CTNNA2: variants seen among roughly 807,000 people sequenced by gnomAD.
CTNNA2 encodes catenin alpha-2.
In CTNNA2, 42 loss-of-function variants were observed where a neutral mutation model predicts 101.0. That is an observed-to-expected ratio of 0.42 (90% confidence interval 0.32 to 0.54). The LOEUF (loss-of-function observed/expected upper bound fraction) is 0.54, where lower values mean the gene tolerates loss of function less well. Ranked by LOEUF, CTNNA2 falls within the 20% of genes least tolerant of loss-of-function variation. The pLI, the probability that CTNNA2 is intolerant of heterozygous loss-of-function variation, is 0.14. For missense variants in CTNNA2, 871 were observed against 1,223.1 expected (o/e 0.71, Z 4.29); for synonymous variants, 450 against 456.4 (o/e 0.99, Z 0.18).
intron 7 of CTNNA2, among the ~76,000 whole-genome samples, chr2:80,258,231 A>G (rs1672325430): frequency 6.6e-6 from 1 of 152,202 alleles, no homozygotes; most frequent in East Asian, 1.9e-4. Flanking sequence ...GCAGAATGAC[A>G]GTCAATTCTT....
At chr2:79,636,286 A>G (rs59462827) in intron 1 of CTNNA2, among the ~76,000 whole-genome samples, 30 of 123,814 alleles carry the variant, frequency 2.4e-4, no homozygotes, top group Middle Eastern at 3.9e-3. Context: ...AAAAAAAAAA[A>G]AAAAAAAAAA....
chr2:79,668,707 T>C (rs891937572), intron 2 of CTNNA2, among the ~76,000 whole-genome samples: 1 of 152,212 alleles, frequency 6.6e-6, no homozygotes, highest in Non-Finnish European at 1.5e-5. Flanking sequence ...AATAACACAG[T>C]GTCACCAAGT....
At chr2:80,239,001 G>T (rs1488333618) in intron 7 of CTNNA2, among the ~76,000 whole-genome samples, 1 of 152,186 alleles carries the variant, frequency 6.6e-6, no homozygotes, top group Non-Finnish European at 1.5e-5. Context: ...ATATTTCAGA[G>T]CAGGGGAAGA....
intron 1 of CTNNA2, among the ~76,000 whole-genome samples, chr2:79,594,497 G>A (rs1042954573): frequency 6.6e-6 from 1 of 152,168 alleles, no homozygotes; most frequent in Non-Finnish European, 1.5e-5. Context: ...CTTAAAAACA[G>A]TTAGAATAGC....
chr2:80,444,056 G>C (rs1682850271), intron 9 of CTNNA2, among the ~76,000 whole-genome samples: 1 of 152,172 alleles, frequency 6.6e-6, no homozygotes, highest in Non-Finnish European at 1.5e-5. Flanking sequence ...ACTCTGATCT[G>C]AGTCAAAATC....
intron 1 of CTNNA2, among the ~76,000 whole-genome samples, chr2:79,548,861 C>T (rs1673905537): frequency 6.6e-6 from 1 of 152,168 alleles, no homozygotes; most frequent in South Asian, 2.1e-4. Context: ...TATGATGGGC[C>T]AGCTGCTGCA....
intron 2 of CTNNA2, among the ~76,000 whole-genome samples, chr2:79,255,535 G>T (rs190617569): frequency 6.6e-6 from 1 of 152,284 alleles, no homozygotes; most frequent in Non-Finnish European, 1.5e-5. Flanking sequence ...TGTATATTGG[G>T]TAATGGCACA....
intron 7 of CTNNA2, among the ~76,000 whole-genome samples, chr2:80,141,795 A>G (rs1476045671): frequency 6.6e-6 from 1 of 152,118 alleles, no homozygotes; most frequent in Middle Eastern, 3.2e-3. Context: ...ATAGTAGCTT[A>G]AAACAGTATC....
At chr2:79,261,341 G>A (rs1384252332) in intron 2 of CTNNA2, among the ~76,000 whole-genome samples, 2 of 152,186 alleles carry the variant, frequency 1.3e-5, no homozygotes, top group African/African-American at 4.8e-5. Context: ...AGGCTACGTG[G>A]AGACCCTGGG....
At chr2:79,724,540 G>A (rs1448851956) in intron 2 of CTNNA2, among the ~76,000 whole-genome samples, 2 of 152,066 alleles carry the variant, frequency 1.3e-5, no homozygotes, top group Non-Finnish European at 2.9e-5. Context: ...TAATGGGCTG[G>A]CGCGGTGGCT....
chr2:80,203,579 T>A (rs1319163742), intron 7 of CTNNA2, among the ~76,000 whole-genome samples: 5 of 152,216 alleles, frequency 3.3e-5, no homozygotes, highest in Non-Finnish European at 7.4e-5. Flanking sequence ...GTTCCTATAG[T>A]CTTTGGCACC....
intron 18 of CTNNA2, among the ~76,000 whole-genome samples, chr2:80,632,162 A>T (rs1401134451): frequency 2.0e-5 from 3 of 152,060 alleles, no homozygotes; most frequent in African/African-American, 7.2e-5. Flanking sequence ...AGCATGATTT[A>T]TGTGGTTCTA....
intron 1 of CTNNA2, among the ~76,000 whole-genome samples, chr2:79,582,967 T>C (rs1410556713): frequency 6.6e-6 from 1 of 152,110 alleles, no homozygotes; most frequent in African/African-American, 2.4e-5. Flanking sequence ...CAGAATATGA[T>C]AAAAATGGAG....
intron 6 of CTNNA2, among the ~76,000 whole-genome samples, chr2:79,883,160 GA>G (rs1297814426): frequency 6.6e-6 from 1 of 152,194 alleles, no homozygotes; most frequent in Admixed American, 6.5e-5. Flanking sequence ...AATTGAATTT[GA>G]AACACACTTC....
At chr2:80,330,761 C>T (rs533801831) in intron 7 of CTNNA2, among the ~76,000 whole-genome samples, 1 of 152,176 alleles carries the variant, frequency 6.6e-6, no homozygotes, top group East Asian at 1.9e-4. Flanking sequence ...ATTGCGTTTA[C>T]TACTATAGCA....
intron 4 of CTNNA2, among the ~76,000 whole-genome samples, chr2:79,401,729 A>T (rs1262409965): frequency 6.6e-6 from 1 of 151,774 alleles, no homozygotes; most frequent in Non-Finnish European, 1.5e-5. Context: ...ATATAAAGCA[A>T]GTAAAACATC....
intron 9 of CTNNA2, among the ~76,000 whole-genome samples, chr2:80,446,304 T>G (rs2149449142): frequency 6.6e-6 from 1 of 152,254 alleles, no homozygotes; most frequent in Non-Finnish European, 1.5e-5. Flanking sequence ...GGCTTGCATG[T>G]TTATAAAGCT....
chr2:80,530,847 A>G (rs1043504660), intron 9 of CTNNA2, among the ~76,000 whole-genome samples: 69 of 152,220 alleles, frequency 4.5e-4, no homozygotes, highest in African/African-American at 1.6e-3. Context: ...AAAAGCATGG[A>G]AAAAGGGAGC....
intron 7 of CTNNA2, among the ~76,000 whole-genome samples, chr2:80,242,324 C>G (rs1671003775): frequency 6.6e-6 from 1 of 152,150 alleles, no homozygotes; most frequent in African/African-American, 2.4e-5. Context: ...ATCCAAAGCT[C>G]AGAGTTATAA....
Sources: gnomAD v4.1 joint callset for allele counts (sites outside exome capture counted in the v4.1 genomes callset) on GRCh38, gnomAD v4.1.1 for gene constraint, MANE v1.5 for transcripts, NCBI Gene and HGNC (gene_info 2026-07-23, HGNC 2026-07-21) for gene names.